COLGALT1: variants seen among roughly 807,000 people sequenced by gnomAD.
COLGALT1 encodes collagen beta(1-O)galactosyltransferase 1, also known as procollagen galactosyltransferase 1.
Under a neutral mutation model 60.8 loss-of-function variants are expected in COLGALT1, and 43 were observed. The ratio of observed to expected loss-of-function variants is 0.71; its 90% CI spans 0.55 to 0.91. COLGALT1 has a LOEUF of 0.91. Among genes scored for constraint, COLGALT1 ranks in the 40% least tolerant of loss-of-function variants. The probability of loss-of-function intolerance (pLI) is 0.00; values close to 1 mark genes in which losing one functional copy is unlikely to be tolerated. For missense variants in COLGALT1, 845 were observed against 880.0 expected (o/e 0.96, Z 0.50); for synonymous variants, 369 against 374.2 (o/e 0.99, Z 0.16).
At chr19:17,568,060 A>T (rs563444274) in intron 4 of COLGALT1, among the ~76,000 whole-genome samples, 1 of 152,164 alleles carries the variant, frequency 6.6e-6, no homozygotes, top group East Asian at 1.9e-4. Context: ...GCTATTCCAG[A>T]GGTGGAAACA....
At chr19:17,576,984 C>T (rs1302064518) in intron 6 of COLGALT1, 2 of 589,522 alleles carry the variant, frequency 3.4e-6, no homozygotes, top group South Asian at 2.0e-5. Context: ...GAAGCTGGGG[C>T]CTGGGGTGTG....
At chr19:17,563,785 C>T (rs368482965) in intron 3 of COLGALT1, among the ~76,000 whole-genome samples, 13 of 152,078 alleles carry the variant, frequency 8.5e-5, no homozygotes, top group East Asian at 7.7e-4. Context: ...TGAGCCACTG[C>T]GCCTGGTCAC....
intron 3 of COLGALT1, among the ~76,000 whole-genome samples, 170 bp from the exon 4 acceptor site, chr19:17,567,236 A>G (rs894369552): frequency 6.6e-6 from 1 of 152,192 alleles, no homozygotes; most frequent in Non-Finnish European, 1.5e-5. Context: ...TCCATGATCC[A>G]GGGGATCCTG....
At chr19:17,580,935 G>T in intron 11 of COLGALT1, 30 bp downstream of exon 11, 1 of 1,611,118 alleles carries the variant, frequency 6.2e-7, no homozygotes, top group South Asian at 1.1e-5. Flanking sequence ...GCTGGGCTGG[G>T]GTTTCACGGT....
At chr19:17,581,068 A>G (rs776878605) in intron 11 of COLGALT1, 109 bp from the exon 12 acceptor site, 299 of 1,412,264 alleles carry the variant, frequency 2.1e-4, no homozygotes, top group Non-Finnish European at 2.8e-4. Flanking sequence ...TCCCCTGCAC[A>G]CTTACGTTTT....
chr19:17,579,616 G>C lies in COLGALT1; in HGVS notation c.1394+7G>C. Reference sequence around the variant, plus strand: ...GCCTGGACTGGGACCTCATGTGAGTGGGGGTCTGAGGATGGGGTGAAGCTG... The same window carrying C: ...GCCTGGACTGGGACCTCATGTGAGTCGGGGTCTGAGGATGGGGTGAAGCTG... On this transcript the variant is annotated splice_region_variant and intron_variant, in intron 10 of 11. Coordinates refer to ENST00000252599, the MANE Select transcript of COLGALT1 (RefSeq NM_024656.4). The C allele has an allele frequency of 6.2e-7, 1 of 1,612,210 alleles. No homozygotes were observed. Among genetic ancestry groups the C allele is most frequent in the South Asian group, 1.1e-5 (1 of 90,998 alleles).
In COLGALT1 at chr19:17,581,717, C is replaced by T. The variant is rs918109920; in HGVS notation, c.*273C>T. The T allele has an allele frequency of 7.8e-6, 4 of 512,952 alleles. No homozygotes were observed. The highest frequency in any genetic ancestry group is 7.6e-5 in the African/African-American group (4 of 52,668). The allele number at this position is 512,952 out of a possible 1,614,324, so 31.8% of individuals were successfully genotyped here. A position where few individuals can be genotyped will look rare whatever the true frequency, so the allele number is the denominator to read the frequency against. Reference sequence around the variant, plus strand: ...GTGCCCAGCATTTATTAAGCACCTGCTGTATGCAAGGTTCCCATGTTACGG... The same window carrying T: ...GTGCCCAGCATTTATTAAGCACCTGTTGTATGCAAGGTTCCCATGTTACGG... On this transcript the variant is annotated 3_prime_UTR_variant, in exon 12 of 12. Transcript: ENST00000252599.
rs554821327 is a variant in COLGALT1, at chr19:17,580,870, C to T, written c.1566C>T (p.Asp522=). Residue 522 remains aspartate, a synonymous_variant, in exon 11 of 12, where the codon GAC becomes GAT. Transcript: ENST00000252599. Reference sequence around the variant, plus strand: ...CGCTCTCCAAGATGCTGCCTGTGGACGAGTTCCTGCCCGTCATGTTCGACA... The same window carrying T: ...CGCTCTCCAAGATGCTGCCTGTGGATGAGTTCCTGCCCGTCATGTTCGACA... ...AEPLSKMLPV[D]EFLPVMFDKH... is the part of the protein sequence containing the mutation. 18 of 1,613,932 alleles carry T rather than the reference C, an allele frequency of 1.1e-5. No individual in the cohort carries two copies. The highest frequency in any genetic ancestry group is 3.3e-5 in the South Asian group (3 of 91,078).
In COLGALT1 at chr19:17,582,826, G is replaced by A. The variant is rs2076393088; in HGVS notation, c.*1382G>A. On this transcript the variant is annotated 3_prime_UTR_variant, in exon 12 of 12. Transcript: ENST00000252599. ...CGCCACATGTTAGCCCCCCTGGAGG[G>A]GGCGCCAGTTGGAGACGGGGGCTGG... 6.6e-6 allele frequency: 1 copy of A among 152,298 alleles called. No homozygotes were observed. Among genetic ancestry groups the A allele is most frequent in the African/African-American group, 2.4e-5 (1 of 41,462 alleles). 9.4% of individuals were successfully genotyped at this position (152,298 alleles called of 1,614,324 possible).
At chr19:17,565,019 A>G (rs192640261) in intron 3 of COLGALT1, among the ~76,000 whole-genome samples, 1 of 152,114 alleles carries the variant, frequency 6.6e-6, no homozygotes, top group Admixed American at 6.6e-5. Context: ...TTGAGTTTTC[A>G]GGGTTCATTA....
chr19:17,577,258 T>G lies in COLGALT1; in HGVS notation c.1013T>G (p.Met338Arg), dbSNP rs1426076827. Residue 338 changes from methionine to arginine, a missense_variant, in exon 7 of 12, where the codon ATG becomes AGG. Transcript: ENST00000252599. ...ISAPTKTPDK[M>R]GFDEVFMINL... ...GCTCCCACCAAGACACCGGACAAGA[T>G]GGGCTTCGACGAGGTGAGCTGGGCC... is the stretch of plus-strand genomic sequence containing the variant. 6.2e-7 allele frequency: 1 copy of G among 1,611,918 alleles called. No homozygotes were observed. The highest frequency in any genetic ancestry group is 8.5e-7 in the Non-Finnish European group (1 of 1,179,436).
Position 17,581,375 on chromosome 19 carries a change from G to A in COLGALT1, c.1800G>A (p.Leu600=). The A allele has an allele frequency of 6.2e-7, 1 of 1,613,094 alleles. No individual in the cohort carries two copies. Among genetic ancestry groups the A allele is most frequent in the Non-Finnish European group, 8.5e-7 (1 of 1,179,966 alleles). Residue 600 remains leucine (L), a synonymous_variant, in exon 12 of 12, where the codon CTG becomes CTA. Transcript: ENST00000252599. ...KSQKMREQQA[L]SREAKNSDVL... is the part of the protein sequence containing the mutation. Reference sequence around the variant, plus strand: ...AGAAGATGCGGGAGCAGCAGGCACTGAGCCGTGAGGCCAAGAACTCGGACG... The same window carrying A: ...AGAAGATGCGGGAGCAGCAGGCACTAAGCCGTGAGGCCAAGAACTCGGACG...
At chr19:17,565,887 G>A (rs2076277088) in intron 3 of COLGALT1, 1 of 152,240 alleles carries the variant, frequency 6.6e-6, no homozygotes, top group Non-Finnish European at 1.5e-5. Flanking sequence ...TGACCACAGG[G>A]CTTGTCCTAA....
intron 5 of COLGALT1, among the ~76,000 whole-genome samples, chr19:17,572,277 C>T (rs1349347952): frequency 6.6e-6 from 1 of 151,230 alleles, no homozygotes; most frequent in African/African-American, 2.4e-5. Context: ...CACTGCACTC[C>T]AGCCTGGGAG....
chr19:17,560,487 A>T (rs768944393), intron 3 of COLGALT1, 22 bp downstream of exon 3: 2 of 1,595,760 alleles, frequency 1.3e-6, no homozygotes, highest in Admixed American at 3.3e-5. Context: ...AGCCGGCCGG[A>T]TATGGATCAC....
chr19:17,564,648 C>T (rs1443029934), intron 3 of COLGALT1, among the ~76,000 whole-genome samples: 1 of 151,884 alleles, frequency 6.6e-6, no homozygotes, highest in Non-Finnish European at 1.5e-5. Context: ...GAACTCCTGA[C>T]CTCAAGTGAT....
chr19:17,582,814 C>G lies in COLGALT1; in HGVS notation c.*1370C>G, dbSNP rs531292960. 1.3e-5 allele frequency: 2 copies of G among 152,272 alleles called. No homozygotes were observed. Among genetic ancestry groups the G allele is most frequent in the African/African-American group, 2.4e-5 (1 of 41,456 alleles). The allele number at this position is 152,272 out of a possible 1,614,324, so 9.4% of individuals were successfully genotyped here. A position where few individuals can be genotyped will look rare whatever the true frequency, so the allele number is the denominator to read the frequency against. ...CTGGTGGCCCCACGCCACATGTTAG[C>G]CCCCCTGGAGGGGGCGCCAGTTGGA... On this transcript the variant is annotated 3_prime_UTR_variant, in exon 12 of 12. Coordinates refer to ENST00000252599, the MANE Select transcript of COLGALT1 (RefSeq NM_024656.4).
Position 17,569,540 on chromosome 19 carries a change from G to GA in COLGALT1, c.829+828dup, listed in dbSNP as rs879684976. ...GCAACCTCTGCCTCCTGGTTCAAGA[G>GA]ATTCTCCTGCCTCAGCCTCCCAAGT... On this transcript the variant is annotated intron_variant, in intron 5 of 11. Coordinates refer to ENST00000252599, the MANE Select transcript of COLGALT1 (RefSeq NM_024656.4). Among the ~76,000 whole-genome samples, 154 of 151,792 alleles carry GA rather than the reference G, an allele frequency of 1.0e-3. 1 individual carries two copies. Among genetic ancestry groups the GA allele is most frequent in the Non-Finnish European group, 1.7e-3 (117 of 67,932 alleles).
chr19:17,577,301 G>A, intron 7 of COLGALT1, 30 bp downstream of exon 7: 6 of 1,610,772 alleles, frequency 3.7e-6, no homozygotes, highest in Non-Finnish European at 4.2e-6. Flanking sequence ...GAGGCGGGGC[G>A]GGGGCTGGAG....
Sources: allele counts gnomAD v4.1 joint callset (sites outside exome capture counted in the v4.1 genomes callset), GRCh38; gene constraint gnomAD v4.1.1; transcripts MANE v1.5; gene names NCBI Gene and HGNC (gene_info 2026-07-23, HGNC 2026-07-21).